The following RBMS3 variants were observed in gnomAD, a reference collection of about 807,000 sequenced individuals.
RBMS3 encodes RNA-binding motif, single-stranded-interacting protein 3.
In RBMS3, 27 loss-of-function variants were observed where a neutral mutation model predicts 66.8. That is an observed-to-expected ratio of 0.40 (90% CI 0.30 to 0.56). The LOEUF (loss-of-function observed/expected upper bound fraction) is 0.56, where lower values mean the gene tolerates loss of function less well. RBMS3 is among the 20% of genes least tolerant of loss of function. The pLI, the probability that RBMS3 is intolerant of heterozygous loss-of-function variation, is 0.40. For missense variants in RBMS3, 513 were observed against 549.5 expected, an observed-to-expected ratio of 0.93 and a Z score of 0.66; for synonymous variants, 188 against 183.0, an observed-to-expected ratio of 1.03 and a Z score of -0.22.
chr3:29,431,168 A>G (rs1247521735), intron 1 of RBMS3, among the ~76,000 whole-genome samples: 3 of 152,224 alleles, frequency 2.0e-5, no homozygotes, highest in African/African-American at 7.2e-5. Context: ...TAATCCAAAT[A>G]CCAGGAAAAG....
At chr3:29,346,033 G>A (rs1276412531) in intron 1 of RBMS3, among the ~76,000 whole-genome samples, 1 of 152,160 alleles carries the variant, frequency 6.6e-6, no homozygotes, top group Admixed American at 6.5e-5. Context: ...GAGTCTTTAG[G>A]TCTATTATCC....
chr3:29,790,715 C>CT (rs1158362274), intron 6 of RBMS3, among the ~76,000 whole-genome samples: 6 of 152,062 alleles, frequency 3.9e-5, no homozygotes, highest in South Asian at 2.1e-4. Flanking sequence ...AAAAAGACTC[C>CT]TTTTTTGTGT....
chr3:29,693,081 T>C (rs1328443613), intron 4 of RBMS3, among the ~76,000 whole-genome samples: 1 of 152,148 alleles, frequency 6.6e-6, no homozygotes, highest in African/African-American at 2.4e-5. Flanking sequence ...TAATTTACAT[T>C]GAGACTAAAG....
chr3:29,681,505 C>A (rs2051494055), intron 4 of RBMS3, among the ~76,000 whole-genome samples: 1 of 90,176 alleles, frequency 1.1e-5, no homozygotes. Context: ...CCATCCCCCA[C>A]ACAATCCCCC....
At chr3:29,546,547 G>T (rs2045956290) in intron 3 of RBMS3, among the ~76,000 whole-genome samples, 1 of 152,138 alleles carries the variant, frequency 6.6e-6, no homozygotes, top group Non-Finnish European at 1.5e-5. Flanking sequence ...ACACTGGTGT[G>T]CTTACCTTAA....
intron 6 of RBMS3, among the ~76,000 whole-genome samples, chr3:29,840,819 G>T (rs551543085): frequency 7.2e-5 from 11 of 151,834 alleles, no homozygotes; most frequent in Non-Finnish European, 1.5e-4. Context: ...TGCAATGAAT[G>T]TCCCTATAAA....
rs190593632 is a variant in RBMS3, at chr3:29,855,932, C to A, written c.638-12926C>A. Among the ~76,000 whole-genome samples, 263 of 152,054 alleles carry A rather than the reference C, an allele frequency of 1.7e-3. 1 individual carries two copies. Among genetic ancestry groups the A allele is most frequent in the Middle Eastern group, 3.4e-3 (1 of 294 alleles). On this transcript the variant is annotated intron_variant, in intron 6 of 14. Coordinates refer to ENST00000383767, the MANE Select transcript of RBMS3 (RefSeq NM_001003793.3). ...GATACAAAGATAAATAATGCAGAGA[C>A]CCTATACTCGAGAGACATTTAAATT... is the stretch of plus-strand genomic sequence containing the variant.
intron 2 of RBMS3, among the ~76,000 whole-genome samples, chr3:29,463,637 A>C (rs909707746): frequency 2.0e-5 from 3 of 149,984 alleles, no homozygotes; most frequent in Non-Finnish European, 3.0e-5. Context: ...AAAAAGCAGT[A>C]TGGAAGCAGA....
chr3:29,970,838 C>T (rs868144887), intron 12 of RBMS3, among the ~76,000 whole-genome samples: 2 of 152,078 alleles, frequency 1.3e-5, no homozygotes, highest in African/African-American at 4.8e-5. Flanking sequence ...GTTCAGGAAT[C>T]GAAACATATT....
intron 3 of RBMS3, among the ~76,000 whole-genome samples, chr3:29,565,931 C>T (rs2046726016): frequency 6.6e-6 from 1 of 151,930 alleles, no homozygotes; most frequent in African/African-American, 2.4e-5. Context: ...CTATGATGCT[C>T]CTTAAATTAT....
intron 1 of RBMS3, among the ~76,000 whole-genome samples, chr3:29,324,237 C>T (rs1381430002): frequency 6.6e-6 from 1 of 152,158 alleles, no homozygotes; most frequent in Non-Finnish European, 1.5e-5. Flanking sequence ...CCAGCAGTCA[C>T]TGTGGCTGAG....
At chr3:29,701,472 G>C (rs1157154376) in intron 4 of RBMS3, among the ~76,000 whole-genome samples, 5 of 152,100 alleles carry the variant, frequency 3.3e-5, no homozygotes, top group Non-Finnish European at 7.4e-5. Flanking sequence ...GGCCCACTCT[G>C]GCCGTGCTTG....
At chr3:29,865,040 G>A (rs2059321191) in intron 6 of RBMS3, among the ~76,000 whole-genome samples, 1 of 130,380 alleles carries the variant, frequency 7.7e-6, no homozygotes, top group Non-Finnish European at 1.6e-5. Context: ...GAGGGAGGGA[G>A]GAAGGAGGGA....
chr3:29,652,462 A>G (rs1435872474), intron 4 of RBMS3, among the ~76,000 whole-genome samples: 2 of 152,150 alleles, frequency 1.3e-5, no homozygotes, highest in African/African-American at 2.4e-5. Flanking sequence ...TTCCATGCCT[A>G]CATTTACCCA....
chr3:29,921,150 C>T (rs1021500181), intron 10 of RBMS3, among the ~76,000 whole-genome samples: 1 of 152,052 alleles, frequency 6.6e-6, no homozygotes, highest in Non-Finnish European at 1.5e-5. Context: ...GTAACCTCTC[C>T]CTCCCAGGTT....
At chr3:29,599,345 G>A (rs2048067750) in intron 4 of RBMS3, among the ~76,000 whole-genome samples, 2 of 151,248 alleles carry the variant, frequency 1.3e-5, no homozygotes, top group African/African-American at 4.9e-5. Context: ...CTGTATCACA[G>A]TATCTCATGT....
At chr3:29,723,030 C>T (rs1238951054) in intron 4 of RBMS3, among the ~76,000 whole-genome samples, 1 of 151,912 alleles carries the variant, frequency 6.6e-6, no homozygotes, top group African/African-American at 2.4e-5. Context: ...GGCTGGAGTG[C>T]AACGGCATGA....
At chr3:29,589,925 C>A (rs997753670) in intron 4 of RBMS3, among the ~76,000 whole-genome samples, 2 of 151,980 alleles carry the variant, frequency 1.3e-5, no homozygotes, top group Non-Finnish European at 1.5e-5. Context: ...AGTGAATTGT[C>A]TTATTTAGCT....
chr3:29,392,984 C>T (rs1575694550), intron 1 of RBMS3, among the ~76,000 whole-genome samples: 1 of 152,118 alleles, frequency 6.6e-6, no homozygotes, highest in East Asian at 1.9e-4. Flanking sequence ...CAGATTCACC[C>T]TGCTGAATTT....
Sources: gnomAD v4.1 joint callset for allele counts (sites outside exome capture counted in the v4.1 genomes callset) on GRCh38, gnomAD v4.1.1 for gene constraint, MANE v1.5 for transcripts, NCBI Gene and HGNC (gene_info 2026-07-23, HGNC 2026-07-21) for gene names.